Variants in P2RX5 observed in about 807,000 individuals in gnomAD.
P2RX5 encodes purinergic receptor P2X 5.
A neutral mutation model predicts 54.1 loss-of-function variants in P2RX5; 46 were observed. The ratio of observed to expected loss-of-function variants is 0.85; its 90% CI spans 0.67 to 1.09. The LOEUF is 1.09. Among genes scored for constraint, P2RX5 ranks in the 50% least tolerant of loss-of-function variants. P2RX5 has a pLI of 0.00. For missense variants in P2RX5, 566 were observed against 549.8 expected (o/e 1.03, Z -0.29); for synonymous variants, 226 against 226.4 (o/e 1.00, Z 0.02).
At chr17:3,675,057 A>G (rs178463) in intron 11 of P2RX5, among the ~76,000 whole-genome samples, 71,571 of 152,082 alleles carry the variant, frequency 0.47, 17,982 homozygotes, top group African/African-American at 0.64. Flanking sequence ...TCCTTTTTCT[A>G]GAGACGGAGT....
intron 2 of P2RX5, 88 bp downstream of exon 2, chr17:3,691,556 C>T: frequency 6.6e-7 from 1 of 1,507,204 alleles, no homozygotes; most frequent in Non-Finnish European, 9.2e-7. Flanking sequence ...GATGGGGGTC[C>T]CTGCGTATCC....
chr17:3,697,058 A>C (rs2050772980), upstream of P2RX5, among the ~76,000 whole-genome samples: 1 of 143,954 alleles, frequency 6.9e-6, no homozygotes, highest in Non-Finnish European at 1.5e-5. Context: ...AAAAGCCCAC[A>C]CTCCGGCGGA....
At chr17:3,675,408 G>C in intron 11 of P2RX5, 1 of 985,374 alleles carries the variant, frequency 1.0e-6, no homozygotes, top group Non-Finnish European at 1.2e-6. Flanking sequence ...GCTTCTGCCA[G>C]CCATTTCGAA....
chr17:3,677,392 C>T (rs2050129454), intron 11 of P2RX5: 2 of 985,380 alleles, frequency 2.0e-6, no homozygotes, highest in Admixed American at 6.1e-5. Flanking sequence ...CCTCCCCTTC[C>T]CCATCTTACC....
At chr17:3,720,549 C>A in the P2RX5 span, 1 of 508,382 alleles carries the variant, frequency 2.0e-6, no homozygotes, top group Non-Finnish European at 3.5e-6. Context: ...CATAAAGTTA[C>A]CCAAACAAGA....
At chr17:3,701,767 T>G in the P2RX5 span, among the ~76,000 whole-genome samples, 48 of 146,594 alleles carry the variant, frequency 3.3e-4, no homozygotes, top group South Asian at 6.7e-4. Flanking sequence ...TTTTGTTTTT[T>G]TTTTTTAAGA....
the P2RX5 span, chr17:3,716,615 C>A: frequency 1.1e-6 from 1 of 888,946 alleles, no homozygotes; most frequent in Non-Finnish European, 1.8e-6. Context: ...CAGAGGTTGG[C>A]TGTCCTAAGG....
chr17:3,677,337 G>C (rs117170329), intron 11 of P2RX5: 15 of 973,270 alleles, frequency 1.5e-5, no homozygotes, highest in East Asian at 1.2e-4. Context: ...CATATTCCCC[G>C]GGCGTCCCGA....
At chr17:3,723,692 A>C in the P2RX5 span, 2 of 1,598,088 alleles carry the variant, frequency 1.3e-6, no homozygotes, top group Non-Finnish European at 1.7e-6. Context: ...GCTTACCTGA[A>C]CCGAACTGTA....
At chr17:3,723,615 C>A in the P2RX5 span, 1 of 1,426,390 alleles carries the variant, frequency 7.0e-7, no homozygotes, top group Non-Finnish European at 9.4e-7. Context: ...CCAGGAAAAA[C>A]AGTCTCCTGG....
At chr17:3,698,903 C>T (rs939852636), upstream of P2RX5, among the ~76,000 whole-genome samples, 2 of 152,006 alleles carry the variant, frequency 1.3e-5, no homozygotes, top group Non-Finnish European at 2.9e-5. Flanking sequence ...TACTGGGCGA[C>T]AACCAGCATT....
the P2RX5 span, among the ~76,000 whole-genome samples, chr17:3,701,696 GAAAAAAAAAAA>G: frequency 2.7e-5 from 2 of 73,412 alleles, no homozygotes; most frequent in African/African-American, 1.2e-4. Context: ...CTCTGTCTCA[GAAAAAAAAAAA>G]AAAAAAAAAA....
rs750182723 is a variant in P2RX5, at chr17:3,679,641, C to T, written c.1208G>A (p.Ser403Asn). 2 of 1,610,138 alleles carry T rather than the reference C, an allele frequency of 1.2e-6. No individual in the cohort carries two copies. The highest frequency in any genetic ancestry group is 2.7e-5 in the African/African-American group (2 of 75,012). The change falls in exon 11 of 12, where the codon AGC becomes AAC. Residue 403 changes from serine (S) to asparagine (N), a missense_variant. Transcript: ENST00000225328. ...QEPPEAKRGS[S>N]SQKGNGSVCP... is the part of the protein sequence containing the mutation. ...CACAGATCCGTTCCCCTTCTGACTG[C>T]TGCTTCCACGCTTCGCCTCGGGTGG... is the stretch of plus-strand genomic sequence containing the variant.
upstream of P2RX5, among the ~76,000 whole-genome samples, chr17:3,697,675 A>C (rs2050785369): frequency 6.6e-6 from 1 of 152,214 alleles, no homozygotes; most frequent in African/African-American, 2.4e-5. Context: ...TTCATTCACG[A>C]AATCTAAGAT....
the P2RX5 span, among the ~76,000 whole-genome samples, chr17:3,701,745 T>TG: frequency 8.6e-6 from 1 of 116,938 alleles, no homozygotes; most frequent in Non-Finnish European, 1.9e-5. Context: ...ACATTTTCTC[T>TG]GTTTTTTTTT....
chr17:3,702,549 G>A, the P2RX5 span, among the ~76,000 whole-genome samples: 1 of 152,206 alleles, frequency 6.6e-6, no homozygotes, highest in East Asian at 1.9e-4. Context: ...TCACTCTTTG[G>A]ATCCACACTA....
intron 9 of P2RX5, 200 bp from the exon 10 acceptor site, chr17:3,682,178 C>A: frequency 3.2e-6 from 2 of 622,808 alleles, no homozygotes; most frequent in Non-Finnish European, 5.9e-6. Flanking sequence ...TCAAGCTGGA[C>A]TGGAGCTCCC....
At chr17:3,692,926 A>G (rs2050657346) in intron 1 of P2RX5, among the ~76,000 whole-genome samples, 1 of 152,336 alleles carries the variant, frequency 6.6e-6, no homozygotes, top group Non-Finnish European at 1.5e-5. Context: ...GTTGGACTTC[A>G]TAAAAATTTA....
At chr17:3,708,152 G>A in the P2RX5 span, among the ~76,000 whole-genome samples, 2 of 151,826 alleles carry the variant, frequency 1.3e-5, no homozygotes, top group African/African-American at 2.4e-5. Context: ...GAAGGGCACC[G>A]TGGTCCTGTC....
Sources: allele counts gnomAD v4.1 joint callset (sites outside exome capture counted in the v4.1 genomes callset), GRCh38; gene constraint gnomAD v4.1.1; transcripts MANE v1.5; gene names NCBI Gene and HGNC (gene_info 2026-07-23, HGNC 2026-07-21).